The following USP37 variants were observed in gnomAD, a reference collection of about 807,000 sequenced individuals.
USP37 encodes the protein ubiquitin specific peptidase 37.
A neutral mutation model predicts 124.0 loss-of-function variants in USP37; 27 were observed. The ratio of observed to expected loss-of-function variants is 0.22; its 90% CI spans 0.16 to 0.30. The LOEUF (loss-of-function observed/expected upper bound fraction) is 0.30, where lower values mean the gene tolerates loss of function less well. Ranked by LOEUF, USP37 falls within the 10% of genes least tolerant of loss-of-function variation. The pLI, the probability that USP37 is intolerant of heterozygous loss-of-function variation, is 1.00. For synonymous variants in USP37, 365 were observed against 388.0 expected (o/e 0.94, Z 0.70); for missense variants, 889 against 1,140.4 (o/e 0.78, Z 3.17).
At chr2:218,533,120 G>A (rs1422094987) in intron 9 of USP37, among the ~76,000 whole-genome samples, 3 of 151,618 alleles carry the variant, frequency 2.0e-5, no homozygotes, top group East Asian at 1.9e-4. Context: ...GAAGTATGCC[G>A]GTACACATGT....
chr2:218,479,618 C>T (rs780669288), intron 18 of USP37, 32 bp downstream of exon 18: 50 of 1,590,016 alleles, frequency 3.1e-5, no homozygotes, highest in Non-Finnish European at 4.1e-5. Flanking sequence ...ACCTTAAACA[C>T]AGATTTTGGG....
chr2:218,535,390 C>A (rs1396198585), intron 8 of USP37, among the ~76,000 whole-genome samples: 1 of 150,390 alleles, frequency 6.6e-6, no homozygotes, highest in African/African-American at 2.4e-5. Flanking sequence ...GTACAATGTT[C>A]AAGCTTGGCA....
At chr2:218,472,764 C>A (rs1336389904) in intron 20 of USP37, among the ~76,000 whole-genome samples, 1 of 152,138 alleles carries the variant, frequency 6.6e-6, no homozygotes, top group Admixed American at 6.6e-5. Context: ...CCGTACCCAG[C>A]CCAGCCTGAA....
At chr2:218,504,678 TC>T (rs1194807275) in intron 11 of USP37, among the ~76,000 whole-genome samples, 2 of 152,076 alleles carry the variant, frequency 1.3e-5, no homozygotes, top group Non-Finnish European at 2.9e-5. Flanking sequence ...CAAGTGATCC[TC>T]CCATTTCAGC....
At chr2:218,467,610 G>A (rs1308226145) in intron 20 of USP37, among the ~76,000 whole-genome samples, 1 of 151,970 alleles carries the variant, frequency 6.6e-6, no homozygotes, top group Non-Finnish European at 1.5e-5. Flanking sequence ...GCCTCCCAAA[G>A]TGCTGGGATT....
chr2:218,463,275 T>TA, intron 22 of USP37, 31 bp downstream of exon 22: 1 of 1,599,988 alleles, frequency 6.3e-7, no homozygotes, highest in Non-Finnish European at 8.6e-7. Context: ...ATTTTACCAT[T>TA]AAAAAAATGT....
intron 20 of USP37, among the ~76,000 whole-genome samples, chr2:218,471,662 T>C (rs188487679): frequency 4.1e-4 from 63 of 152,294 alleles, no homozygotes; most frequent in Non-Finnish European, 7.2e-4. Context: ...ATCTATCCAA[T>C]TGCTCAGGCC....
At chr2:218,561,904 C>T (rs969990008) in intron 2 of USP37, among the ~76,000 whole-genome samples, 3 of 152,196 alleles carry the variant, frequency 2.0e-5, no homozygotes, top group Middle Eastern at 6.3e-3. Context: ...TCTATGTTCT[C>T]ATGCCACTAT....
Position 218,450,528 on chromosome 2 carries a change from T to C in USP37, c.*4402A>G, listed in dbSNP as rs1689451802. ...AGTGTAGGAATCTCATTTTTGTTTTTCTCTCCTTAAGTTTAAAGAAACAAC... is the reference window on the plus strand; with the variant it reads ...AGTGTAGGAATCTCATTTTTGTTTTCCTCTCCTTAAGTTTAAAGAAACAAC... On this transcript the variant is annotated 3_prime_UTR_variant, in exon 26 of 26. Coordinates refer to ENST00000258399, the MANE Select transcript of USP37 (RefSeq NM_020935.3). 1 of 152,642 alleles carries C rather than the reference T, an allele frequency of 6.6e-6. No individual in the cohort carries two copies. The highest frequency in any genetic ancestry group is 2.4e-5 in the African/African-American group (1 of 41,466). The allele number at this position is 152,642 out of a possible 1,614,324, so 9.5% of individuals were successfully genotyped here.
intron 22 of USP37, 96 bp from the exon 23 acceptor site, chr2:218,460,001 C>G (rs1434513066): frequency 1.3e-6 from 1 of 781,280 alleles, no homozygotes; most frequent in Non-Finnish European, 2.0e-6. Flanking sequence ...GAGGCCGAGA[C>G]AGGTGGATCA....
At chr2:218,524,937 G>C (rs1690873553) in intron 10 of USP37, among the ~76,000 whole-genome samples, 1 of 152,158 alleles carries the variant, frequency 6.6e-6, no homozygotes, top group African/African-American at 2.4e-5. Context: ...AGTAACAGTG[G>C]TTATGTCTCA....
At chr2:218,533,980 A>G (rs1409445792) in intron 9 of USP37, among the ~76,000 whole-genome samples, 2 of 152,234 alleles carry the variant, frequency 1.3e-5, no homozygotes, top group Non-Finnish European at 2.9e-5. Context: ...AATAAGCACT[A>G]ACACTGATGC....
intron 1 of USP37, among the ~76,000 whole-genome samples, chr2:218,563,624 GC>G (rs548491197): frequency 1.6e-3 from 250 of 152,246 alleles, no homozygotes; most frequent in Middle Eastern, 3.4e-3. Context: ...ATCTCTCACT[GC>G]CTATCTGAAT....
chr2:218,522,494 T>TA (rs1339030035), intron 10 of USP37, among the ~76,000 whole-genome samples: 1 of 147,476 alleles, frequency 6.8e-6, no homozygotes, highest in Admixed American at 6.8e-5. Context: ...GCCCAGAAGT[T>TA]AGAGTCTGCA....
intron 23 of USP37, among the ~76,000 whole-genome samples, chr2:218,459,585 G>GT (rs200792260): frequency 2.8e-4 from 42 of 150,316 alleles, no homozygotes; most frequent in South Asian, 6.3e-4. Context: ...ATGTATTCCT[G>GT]TTTTTTTTGT....
At chr2:218,502,118 G>GAAGAAAAAAAAC (rs1225549540) in intron 11 of USP37, among the ~76,000 whole-genome samples, 1 of 151,046 alleles carries the variant, frequency 6.6e-6, no homozygotes, top group Non-Finnish European at 1.5e-5. Context: ...AGCTGAGAAA[G>GAAGAAAAAAAAC]AAGAAAAAAA....
chr2:218,454,556 A>T lies in USP37; in HGVS notation c.*374T>A, dbSNP rs1689590462. The stretch of plus-strand genomic sequence containing the variant: ...TCTTCTCCAAACTGCTGTGCTATTA[A>T]TTTTGAGCAGGCATATTCTGGTGGC... On this transcript the variant is annotated 3_prime_UTR_variant, in exon 26 of 26. Transcript: ENST00000258399. 6.0e-6 allele frequency: 1 copy of T among 167,490 alleles called. No homozygotes were observed. Among genetic ancestry groups the T allele is most frequent in the African/African-American group, 2.4e-5 (1 of 41,952 alleles). 10.4% of individuals were successfully genotyped at this position (167,490 alleles called of 1,614,324 possible). A position where few individuals can be genotyped will look rare whatever the true frequency, so the allele number is the denominator to read the frequency against.
At chr2:218,499,604 C>T (rs1410348101) in intron 11 of USP37, among the ~76,000 whole-genome samples, 1 of 152,182 alleles carries the variant, frequency 6.6e-6, no homozygotes, top group Non-Finnish European at 1.5e-5. Flanking sequence ...ATTTTGTCAA[C>T]AGATCCAAGA....
chr2:218,524,603 A>G (rs1230895625), intron 10 of USP37, among the ~76,000 whole-genome samples: 2 of 152,124 alleles, frequency 1.3e-5, no homozygotes, highest in Admixed American at 6.6e-5. Flanking sequence ...ATAACCCTGG[A>G]AGGATGTTAT....
Sources: gnomAD v4.1 joint callset for allele counts (sites outside exome capture counted in the v4.1 genomes callset) on GRCh38, gnomAD v4.1.1 for gene constraint, MANE v1.5 for transcripts, NCBI Gene and HGNC (gene_info 2026-07-23, HGNC 2026-07-21) for gene names.